Variants in CDH4 observed in about 807,000 individuals in gnomAD.
CDH4 encodes the protein cadherin 4, also known as cadherin-4.
A neutral mutation model predicts 86.0 loss-of-function variants in CDH4; 33 were observed. The ratio of observed to expected loss-of-function variants is 0.38; its 90% confidence interval spans 0.29 to 0.51. The LOEUF (loss-of-function observed/expected upper bound fraction) is 0.51, where lower values mean the gene tolerates loss of function less well. Among genes scored for constraint, CDH4 ranks in the 20% least tolerant of loss-of-function variants. CDH4 has a pLI of 0.86. For synonymous variants in CDH4, 555 were observed against 549.4 expected, an observed-to-expected ratio of 1.01 and a Z score of -0.14; for missense variants, 1,114 against 1,307.4, an observed-to-expected ratio of 0.85 and a Z score of 2.28.
chr20:61,770,851 C>T, intron 3 of CDH4, among the ~76,000 whole-genome samples: 1 of 145,754 alleles, frequency 6.9e-6, no homozygotes, highest in Non-Finnish European at 1.5e-5. Flanking sequence ...CCACTGCACT[C>T]CAGCCTGGGC....
rs1600837742 is a variant in CDH4, at chr20:61,648,271, G to A, written c.170-95292G>A. Reference sequence around the variant, plus strand: ...GGCAGTGAGAAGGTCAGGGCTTTCAGTAGGGAGGAAGAAGGGTCAGCCCGG... The same window carrying A: ...GGCAGTGAGAAGGTCAGGGCTTTCAATAGGGAGGAAGAAGGGTCAGCCCGG... On this transcript the variant is annotated intron_variant, in intron 2 of 15. Transcript: ENST00000614565. Among the ~76,000 whole-genome samples, 10 of 152,270 alleles carry A rather than the reference G, an allele frequency of 6.6e-5. No individual in the cohort carries two copies. The South Asian group carries it at 1.2e-3, about 19-fold the overall frequency.
intron 4 of CDH4, among the ~76,000 whole-genome samples, chr20:61,800,142 G>A (rs995945670): frequency 3.3e-5 from 5 of 152,214 alleles, no homozygotes; most frequent in Admixed American, 6.5e-5. Context: ...CCTGTGCAGG[G>A]CTGCATCTTC....
chr20:61,546,319 G>A (rs924451933), intron 2 of CDH4, among the ~76,000 whole-genome samples: 2 of 148,700 alleles, frequency 1.3e-5, no homozygotes, highest in African/African-American at 5.0e-5. Flanking sequence ...TGTGTGCAGA[G>A]GTGTGTGTGT....
chr20:61,652,104 C>T (rs757137079), intron 2 of CDH4, among the ~76,000 whole-genome samples: 1 of 152,192 alleles, frequency 6.6e-6, no homozygotes, highest in Non-Finnish European at 1.5e-5. Flanking sequence ...AGCCAGGTGC[C>T]GTGGGGTCTG....
Position 61,658,543 on chromosome 20 carries a change from A to G in CDH4, c.170-85020A>G, listed in dbSNP as rs1328262491. 2.0e-5 allele frequency among the ~76,000 whole-genome samples: 3 copies of G among 152,266 alleles called. No individual in the cohort carries two copies. In the East Asian group the frequency reaches 5.8e-4, roughly 30 times the overall value. ...GAGCCTGCCCTGCACAAAACTCAGGAGGCCGAGTACCTGCAAGGAGCAAAG... is the reference window on the plus strand; with the variant it reads ...GAGCCTGCCCTGCACAAAACTCAGGGGGCCGAGTACCTGCAAGGAGCAAAG... On this transcript the variant is annotated intron_variant, in intron 2 of 15. Transcript: ENST00000614565.
chr20:61,632,246 G>A (rs2086895993), intron 2 of CDH4, among the ~76,000 whole-genome samples: 1 of 152,190 alleles, frequency 6.6e-6, no homozygotes, highest in African/African-American at 2.4e-5. Context: ...AGCATGTTGG[G>A]ATGGGGCTTG....
At chr20:61,794,522 G>A (rs976354698) in intron 4 of CDH4, among the ~76,000 whole-genome samples, 12 of 152,190 alleles carry the variant, frequency 7.9e-5, no homozygotes, top group Admixed American at 2.6e-4. Flanking sequence ...TAGCAAAGGT[G>A]GCTCAGTGGG....
At chr20:61,893,980 G>C (rs1228163369) in intron 7 of CDH4, among the ~76,000 whole-genome samples, 1 of 152,148 alleles carries the variant, frequency 6.6e-6, no homozygotes, top group Non-Finnish European at 1.5e-5. Context: ...GCTAGGAGCT[G>C]GTCTTTTCCC....
chr20:61,351,051 T>G lies in CDH4; in HGVS notation c.169+96114T>G, dbSNP rs367598088. Among the ~76,000 whole-genome samples the G allele has an allele frequency of 2.1e-4, 32 of 152,216 alleles. 1 individual carries two copies. The highest frequency in any genetic ancestry group is 7.5e-4 in the African/African-American group (31 of 41,560). ...GGGGTGGCAGCTGTGGTGGGGGCAA[T>G]GCCTTGGGTGTCACAGCCGCCCTCC... is the stretch of plus-strand genomic sequence containing the variant. On this transcript the variant is annotated intron_variant, in intron 2 of 15. Transcript: ENST00000614565.
intron 4 of CDH4, among the ~76,000 whole-genome samples, chr20:61,834,662 C>T (rs1208279714): frequency 6.6e-6 from 1 of 152,212 alleles, no homozygotes; most frequent in African/African-American, 2.4e-5. Flanking sequence ...ATGGCATGGG[C>T]GACACCTCTG....
chr20:61,895,513 A>T (rs1309111783), intron 8 of CDH4, among the ~76,000 whole-genome samples: 1 of 152,180 alleles, frequency 6.6e-6, no homozygotes, highest in Non-Finnish European at 1.5e-5. Flanking sequence ...CTGGGGCCTG[A>T]GTGACCATTC....
At chr20:61,552,759 G>T (rs1240307997) in intron 2 of CDH4, among the ~76,000 whole-genome samples, 4 of 152,034 alleles carry the variant, frequency 2.6e-5, no homozygotes, top group Admixed American at 6.6e-5. Flanking sequence ...CACCCACTAG[G>T]ATGGCTGTAA....
At chr20:61,698,731 A>G (rs180723750) in intron 2 of CDH4, among the ~76,000 whole-genome samples, 53 of 152,324 alleles carry the variant, frequency 3.5e-4, no homozygotes, top group Admixed American at 6.5e-4. Flanking sequence ...GTCCCCACCC[A>G]GTAGACCCCC....
chr20:61,394,721 C>T (rs1241100251), intron 2 of CDH4, among the ~76,000 whole-genome samples: 1 of 151,660 alleles, frequency 6.6e-6, no homozygotes, highest in Non-Finnish European at 1.5e-5. Flanking sequence ...CCTCTTCCAG[C>T]CTCTCAAAAG....
At chr20:61,414,973 C>T (rs922239798) in intron 2 of CDH4, among the ~76,000 whole-genome samples, 3 of 152,334 alleles carry the variant, frequency 2.0e-5, no homozygotes, top group African/African-American at 7.2e-5. Context: ...TGATGGATGT[C>T]CTGCATCCCT....
At chr20:61,281,159 C>A (rs1406592856) in intron 2 of CDH4, among the ~76,000 whole-genome samples, 1 of 152,198 alleles carries the variant, frequency 6.6e-6, no homozygotes, top group Non-Finnish European at 1.5e-5. Context: ...CTGTCATGGG[C>A]TTATGGCCTG....
intron 2 of CDH4, chr20:61,718,560 A>G: frequency 3.0e-6 from 1 of 338,324 alleles, no homozygotes; most frequent in Non-Finnish European, 5.9e-6. Context: ...CCTCGATCAC[A>G]GCCAAGCACC....
At chr20:61,700,055 C>T (rs1381989104) in intron 2 of CDH4, among the ~76,000 whole-genome samples, 1 of 152,218 alleles carries the variant, frequency 6.6e-6, no homozygotes, top group East Asian at 1.9e-4. Flanking sequence ...ACACCCCACC[C>T]CCGGGGACAA....
At chr20:61,534,446 T>A (rs2085978862) in intron 2 of CDH4, among the ~76,000 whole-genome samples, 1 of 152,118 alleles carries the variant, frequency 6.6e-6, no homozygotes, top group African/African-American at 2.4e-5. Context: ...ATACACTTTT[T>A]TAAAGGTGGT....
Sources: gnomAD v4.1 joint callset for allele counts (sites outside exome capture counted in the v4.1 genomes callset) on GRCh38, gnomAD v4.1.1 for gene constraint, MANE v1.5 for transcripts, NCBI Gene and HGNC (gene_info 2026-07-23, HGNC 2026-07-21) for gene names.